The following RBM44 variants were observed in gnomAD, a reference collection of about 807,000 sequenced individuals.
RBM44 encodes RNA binding motif protein 44.
RBM44 carries 66 observed loss-of-function variants against 105.1 expected under a neutral mutation model. The observed-to-expected ratio is 0.63, with a 90% CI of 0.52 to 0.77. The LOEUF (loss-of-function observed/expected upper bound fraction) is 0.77. Ranked by LOEUF, RBM44 falls within the 30% of genes least tolerant of loss-of-function variation. RBM44 has a pLI of 0.00. For missense variants in RBM44, 1,122 were observed against 1,207.8 expected, an observed-to-expected ratio of 0.93 and a Z score of 1.05; for synonymous variants, 365 against 417.6, an observed-to-expected ratio of 0.87 and a Z score of 1.54.
At chr2:237,822,545 A>C (rs1210346800) in intron 8 of RBM44, among the ~76,000 whole-genome samples, 1 of 152,100 alleles carries the variant, frequency 6.6e-6, no homozygotes, top group Non-Finnish European at 1.5e-5. Flanking sequence ...ATGAATTCCA[A>C]AGTTAAAAGT....
intron 1 of RBM44, among the ~76,000 whole-genome samples, chr2:237,812,878 T>A (rs2061673294): frequency 6.6e-6 from 1 of 152,186 alleles, no homozygotes. Context: ...TATATGGATA[T>A]CCCGATTACC....
intron 5 of RBM44, 181 bp downstream of exon 5, chr2:237,820,532 T>G (rs1330977018): frequency 2.3e-6 from 1 of 440,836 alleles, no homozygotes; most frequent in Non-Finnish European, 4.0e-6. Context: ...CCACAGTGCG[T>G]GGTTGGCATG....
chr2:237,800,472 A>G (rs1433079234), intron 1 of RBM44, among the ~76,000 whole-genome samples: 1 of 152,248 alleles, frequency 6.6e-6, no homozygotes, highest in Non-Finnish European at 1.5e-5. Context: ...TGAAGCTTGC[A>G]GCACACTGCA....
chr2:237,836,668 T>C (rs1039992976), intron 15 of RBM44, among the ~76,000 whole-genome samples: 2 of 150,974 alleles, frequency 1.3e-5, no homozygotes, highest in Non-Finnish European at 2.9e-5. Flanking sequence ...TAGTCCCAGC[T>C]ATTCGGGAGG....
At chr2:237,809,868 G>T (rs903830683) in intron 1 of RBM44, among the ~76,000 whole-genome samples, 2 of 152,142 alleles carry the variant, frequency 1.3e-5, no homozygotes, top group African/African-American at 2.4e-5. Flanking sequence ...GGAGTTCGGG[G>T]CTGCAGTGAG....
Position 237,841,348 on chromosome 2 carries a change from A to G in RBM44, c.*23-491A>G, listed in dbSNP as rs1382651545. On this transcript the variant is annotated intron_variant, in intron 15 of 15. Coordinates refer to ENST00000316997, the MANE Select transcript of RBM44 (RefSeq NM_001080504.3). This position sits in a 1 kb window ranked among gnomAD's most constrained non-coding sequence, Gnocchi z 4.5. ...AACCAAATACCACGTGATCTTACTT[A>G]TAAATGGCAGCTAAACTTTGAGTAC... 6.6e-6 allele frequency among the ~76,000 whole-genome samples: 1 copy of G among 152,242 alleles called. No individual in the cohort carries two copies. The highest frequency in any genetic ancestry group is 2.4e-5 in the African/African-American group (1 of 41,464).
chr2:237,832,102 A>G (rs2061909881), intron 13 of RBM44, among the ~76,000 whole-genome samples: 1 of 150,342 alleles, frequency 6.7e-6, no homozygotes, highest in Admixed American at 6.6e-5. Flanking sequence ...CTGTATTTTC[A>G]ATTCAAGTCC....
intron 1 of RBM44, among the ~76,000 whole-genome samples, chr2:237,813,350 T>G (rs1258922172): frequency 6.6e-6 from 1 of 152,176 alleles, no homozygotes; most frequent in Non-Finnish European, 1.5e-5. Context: ...AAGTCATTGG[T>G]TTTTAGTAAG....
At chr2:237,830,327 A>ATTT (rs1379651365) in intron 13 of RBM44, among the ~76,000 whole-genome samples, 1 of 151,962 alleles carries the variant, frequency 6.6e-6, no homozygotes, top group East Asian at 1.9e-4. Flanking sequence ...TTGAATTTTG[A>ATTT]TTTTTTAATA....
intron 13 of RBM44, 72 bp from the exon 14 acceptor site, chr2:237,833,925 T>C: frequency 1.4e-6 from 1 of 716,540 alleles, no homozygotes; most frequent in South Asian, 5.6e-5. Context: ...TATATTATTG[T>C]TGAATAAGCG....
intron 1 of RBM44, among the ~76,000 whole-genome samples, chr2:237,805,478 A>G (rs1215736404): frequency 1.3e-5 from 2 of 152,214 alleles, no homozygotes; most frequent in African/African-American, 2.4e-5. Context: ...ACACAATTAG[A>G]AAAAACTATT....
intron 1 of RBM44, among the ~76,000 whole-genome samples, chr2:237,806,435 A>G (rs1273815236): frequency 6.6e-6 from 1 of 152,144 alleles, no homozygotes; most frequent in African/African-American, 2.4e-5. Context: ...GTTTCTTAAA[A>G]TAGAACCTGT....
In RBM44 at chr2:237,821,467, G is replaced by A. The variant is rs141334752; in HGVS notation, c.2120+99G>A. The A allele has an allele frequency of 2.0e-3, 1,771 of 902,548 alleles. 5 individuals carry two copies. The highest frequency in any genetic ancestry group is 2.7e-3 in the Non-Finnish European group (1,574 of 584,528). 55.9% of individuals were successfully genotyped at this position (902,548 alleles called of 1,614,324 possible). A position where few individuals can be genotyped will look rare whatever the true frequency, so the allele number is the denominator to read the frequency against. On this transcript the variant is annotated intron_variant, in intron 7 of 15. Coordinates refer to ENST00000316997, the MANE Select transcript of RBM44 (RefSeq NM_001080504.3). ...TGTTTTGTTCCCTATTTAGAACATTGATAAATGTTTTAATGAAGTGTTTAT... is the reference window on the plus strand; with the variant it reads ...TGTTTTGTTCCCTATTTAGAACATTAATAAATGTTTTAATGAAGTGTTTAT...
At position 237,829,373 on chromosome 2, in the gene RBM44, T is replaced by C; in HGVS notation, c.2757T>C (p.Ile919=). ...TTTCCTCCAAAAATGGGAATAGAAT[T>C]AGTTCGAATAATTTAGAGAAAAGCA... ...SPLSSKNGNR[I]SSNNLEKSTN... Residue 919 remains isoleucine, a synonymous_variant, in exon 13 of 16, where the codon ATT becomes ATC. Transcript: ENST00000316997. 6.2e-7 allele frequency: 1 copy of C among 1,613,650 alleles called. No individual in the cohort carries two copies.
rs2061572328 is a variant in RBM44 at position 237,803,890 on chromosome 2, T to G, written c.-19+5029T>G. Among the ~76,000 whole-genome samples, 1 of 152,024 alleles carries G rather than the reference T, an allele frequency of 6.6e-6. No individual in the cohort carries two copies. The highest frequency in any genetic ancestry group is 1.5e-5 in the Non-Finnish European group (1 of 67,994). On this transcript the variant is annotated intron_variant, in intron 1 of 15. Transcript: ENST00000316997. This position sits in a 1 kb window ranked among gnomAD's most constrained non-coding sequence, Gnocchi z 4.2. ...TATTGAATATGCCTTAGACCTTTTT[T>G]TTTTTTCTTTTTTTTGAGACAGAGT...
rs764199743 is a variant in RBM44 at position 237,818,320 on chromosome 2, A to G, written c.1401A>G (p.Thr467=). ...GTTGTACAGTCACAATTAATCAGAC[A>G]GTGGACGTTAGCACTGATTTTAGGG... ...AASCTVTINQ[T]VDVSTDFRAC... The change falls in exon 3 of 16, where the codon ACA becomes ACG. Residue 467 remains threonine (T), a synonymous_variant. Transcript: ENST00000316997. This position sits in a 1 kb window ranked among gnomAD's most constrained non-coding sequence, Gnocchi z 4.6. 22 of 1,612,940 alleles carry G rather than the reference A, an allele frequency of 1.4e-5. No homozygotes were observed. The highest frequency in any genetic ancestry group is 1.2e-4 in the Admixed American group (7 of 59,856).
chr2:237,839,516 G>A lies in RBM44; in HGVS notation c.*23-2323G>A, dbSNP rs182945284. Among the ~76,000 whole-genome samples the A allele has an allele frequency of 9.1e-3, 1,250 of 137,782 alleles. 24 individuals carry two copies. The highest frequency in any genetic ancestry group is 0.011 in the Non-Finnish European group (658 of 61,838). The allele number at this position is 137,782 out of a possible 152,430, so 90.4% of individuals were successfully genotyped here. On this transcript the variant is annotated intron_variant, in intron 15 of 15. Transcript: ENST00000316997. ...GATCTCTTGACCTTGTGATCCGCCC[G>A]CCTTGGCCTCCCAAAGTGCTAGGAT... is the stretch of plus-strand genomic sequence containing the variant.
chr2:237,838,688 A>G (rs190737734), intron 15 of RBM44, among the ~76,000 whole-genome samples: 1 of 152,356 alleles, frequency 6.6e-6, no homozygotes, highest in East Asian at 1.9e-4. Context: ...GAGGACTCAC[A>G]TTACTCAGTA....
At chr2:237,804,685 T>G (rs900085762) in intron 1 of RBM44, among the ~76,000 whole-genome samples, 2 of 152,236 alleles carry the variant, frequency 1.3e-5, no homozygotes, top group Non-Finnish European at 2.9e-5. Flanking sequence ...TTCTGGATAT[T>G]AGGCCAGAAT....
Sources: allele counts gnomAD v4.1 joint callset (sites outside exome capture counted in the v4.1 genomes callset), GRCh38; gene constraint gnomAD v4.1.1; non-coding constraint Gnocchi (gnomAD v3.1); transcripts MANE v1.5; gene names NCBI Gene and HGNC (gene_info 2026-07-23, HGNC 2026-07-21).